The following C3orf85 variants were observed in gnomAD, a reference collection of about 807,000 sequenced individuals.
The protein encoded by C3orf85 is chromosome 3 open reading frame 85.
In C3orf85, 1 loss-of-function variant was observed where a neutral mutation model predicts 1.7. That is an observed-to-expected ratio of 0.60 (90% CI 0.21 to 2.86). The LOEUF is 2.86. Ranked by LOEUF, C3orf85 falls within the 30% of genes most tolerant of loss-of-function variation. The pLI is 0.22. For missense variants in C3orf85, 29 were observed against 21.3 expected (o/e 1.36, Z -0.72); for synonymous variants, 17 against 8.0 (o/e 2.13, Z -1.90).
rs540893552 is a variant in C3orf85, at chr3:109,149,437, A to G, written c.184-368A>G. 6.3e-4 allele frequency: 100 copies of G among 158,432 alleles called. 1 individual carries two copies. The highest frequency in any genetic ancestry group is 2.7e-3 in the South Asian group (13 of 4,874). The allele number at this position is 158,432 out of a possible 1,614,324, so 9.8% of individuals were successfully genotyped here. A position where few individuals can be genotyped will look rare whatever the true frequency, so the allele number is the denominator to read the frequency against. ...TTATTTAGCATTATTAAAACAAGAC[A>G]TTTGTTTATTTGGTCAATTAAGTGA... On this transcript the variant is annotated intron_variant, in intron 3 of 3. Coordinates refer to ENST00000622536, the MANE Select transcript of C3orf85 (RefSeq NM_001351622.2).
At chr3:109,147,360 G>A (rs1012452586) in intron 2 of C3orf85, among the ~76,000 whole-genome samples, 6 of 152,146 alleles carry the variant, frequency 3.9e-5, no homozygotes, top group African/African-American at 1.4e-4. Context: ...CAGAAGGTTG[G>A]TCAACAGAGG....
rs574410565 is a variant in C3orf85 at position 109,150,901 on chromosome 3, T to C, written c.*1007T>C. Among the ~76,000 whole-genome samples, 16 of 152,312 alleles carry C rather than the reference T, an allele frequency of 1.1e-4. No individual in the cohort carries two copies. The highest frequency in any genetic ancestry group is 2.2e-4 in the Non-Finnish European group (15 of 68,022). On this transcript the variant is annotated 3_prime_UTR_variant, in exon 4 of 4. Coordinates refer to ENST00000622536, the MANE Select transcript of C3orf85 (RefSeq NM_001351622.2). ...ATCTTATGTGGTCTTAAAACAATCT[T>C]AAGCACTTTTTGAGTGGCAAGTAAA...
chr3:109,141,179 G>A (rs541332114), intron 2 of C3orf85, among the ~76,000 whole-genome samples: 2 of 152,180 alleles, frequency 1.3e-5, no homozygotes, highest in East Asian at 1.9e-4. Context: ...TAGAGACGGG[G>A]TTTCACCATG....
At chr3:109,144,256 GGGA>G (rs1265666229) in intron 2 of C3orf85, among the ~76,000 whole-genome samples, 6 of 152,106 alleles carry the variant, frequency 3.9e-5, no homozygotes, top group Non-Finnish European at 8.8e-5. Flanking sequence ...GAATGAAAAA[GGGA>G]GGAGAAATTT....
In C3orf85 at chr3:109,151,149, A is replaced by T. The variant is rs1352502828; in HGVS notation, c.*1255A>T. ...ATTTTTAAATTACATCTGAACAAAC[A>T]AAACAAAGATGATGAATCATTTAGT... On this transcript the variant is annotated 3_prime_UTR_variant, in exon 4 of 4. Transcript: ENST00000622536. Among the ~76,000 whole-genome samples the T allele has an allele frequency of 6.6e-6, 1 of 152,266 alleles. No individual in the cohort carries two copies. Among genetic ancestry groups the T allele is most frequent in the Non-Finnish European group, 1.5e-5 (1 of 68,044 alleles).
intron 2 of C3orf85, among the ~76,000 whole-genome samples, chr3:109,145,346 G>A (rs1189019581): frequency 6.6e-6 from 1 of 152,186 alleles, no homozygotes; most frequent in East Asian, 1.9e-4. Context: ...AACTTTGATG[G>A]TATTATGCCA....
At position 109,148,257 on chromosome 3, in the gene C3orf85, A is replaced by C. The variant is rs986145316; in HGVS notation, c.54A>C (p.Ala18=). The change falls in exon 3 of 4, where the codon GCA becomes GCC. Residue 18 remains alanine (A), a synonymous_variant. Coordinates refer to ENST00000622536, the MANE Select transcript of C3orf85 (RefSeq NM_001351622.2). ...CTCTTGGACTCTAAATTGCAGGAGC[A>C]TTGGGAGCGCCATTTTTGTTGGAAG... is the stretch of plus-strand genomic sequence containing the variant. The part of the protein sequence containing the change: ...VVLCSTLLIG[A]LGAPFLLEDP... 3 of 701,950 alleles carry C rather than the reference A, an allele frequency of 4.3e-6. No individual in the cohort carries two copies. The highest frequency in any genetic ancestry group is 7.8e-6 in the Non-Finnish European group (3 of 384,470). 43.5% of individuals were successfully genotyped at this position (701,950 alleles called of 1,614,324 possible).
chr3:109,139,474 C>T (rs750297922), intron 2 of C3orf85, among the ~76,000 whole-genome samples: 3 of 152,014 alleles, frequency 2.0e-5, no homozygotes, highest in Non-Finnish European at 2.9e-5. Flanking sequence ...AGCTTTATAT[C>T]ACATACAAAG....
intron 2 of C3orf85, among the ~76,000 whole-genome samples, chr3:109,139,092 C>T (rs1706711820): frequency 6.6e-6 from 1 of 152,180 alleles, no homozygotes; most frequent in Non-Finnish European, 1.5e-5. Context: ...AAAGAGGGAA[C>T]TGAGGGCTTA....
chr3:109,148,306 C>A lies in C3orf85; in HGVS notation c.103C>A (p.Leu35Ile), dbSNP rs563503333. 1 of 702,740 alleles carries A rather than the reference C, an allele frequency of 1.4e-6. No individual in the cohort carries two copies. The highest frequency in any genetic ancestry group is 2.0e-5 in the Admixed American group (1 of 50,010). The allele number at this position is 702,740 out of a possible 1,614,324, so 43.5% of individuals were successfully genotyped here. A position where few individuals can be genotyped will look rare whatever the true frequency, so the allele number is the denominator to read the frequency against. The change falls in exon 3 of 4, where the codon CTC (leucine) becomes ATC (isoleucine). Residue 35 changes from leucine (L) to isoleucine (I), a missense_variant. Coordinates refer to ENST00000622536, the MANE Select transcript of C3orf85 (RefSeq NM_001351622.2). ...AGACCCTGCAAACCAGTTCCTACGT[C>A]TCAAAAGACATGTAAATTTGCAGGA... Reference protein sequence around the residue: ...LEDPANQFLRLKRHVNLQDYW... With the variant: ...LEDPANQFLRIKRHVNLQDYW...
chr3:109,147,343 G>T (rs764493467), intron 2 of C3orf85, among the ~76,000 whole-genome samples: 1 of 152,110 alleles, frequency 6.6e-6, no homozygotes, highest in Non-Finnish European at 1.5e-5. Flanking sequence ...TATAACCCAG[G>T]TTTATACAGA....
At chr3:109,137,291 G>A (rs1398259676) in intron 2 of C3orf85, among the ~76,000 whole-genome samples, 1 of 151,934 alleles carries the variant, frequency 6.6e-6, no homozygotes. Context: ...TTAACCTTTA[G>A]GGCAAGCTGT....
At chr3:109,140,793 A>G (rs1435208744) in intron 2 of C3orf85, among the ~76,000 whole-genome samples, 2 of 152,202 alleles carry the variant, frequency 1.3e-5, no homozygotes, top group Non-Finnish European at 2.9e-5. Context: ...GAGTGCCAAC[A>G]TTGTGTATGT....
intron 2 of C3orf85, among the ~76,000 whole-genome samples, 174 bp downstream of exon 2, chr3:109,137,070 C>CTGTGTGTG (rs3054419): frequency 0.081 from 12,194 of 149,804 alleles, 1,245 homozygotes; most frequent in African/African-American, 0.24. Flanking sequence ...TTAATGTTAA[C>CTGTGTGTG]TGTGTGTGTG....
intron 2 of C3orf85, among the ~76,000 whole-genome samples, chr3:109,140,418 C>T (rs575598852): frequency 4.4e-4 from 67 of 152,324 alleles, no homozygotes; most frequent in Non-Finnish European, 5.6e-4. Flanking sequence ...GGCCCCTCCC[C>T]GCTGCAAACG....
intron 2 of C3orf85, among the ~76,000 whole-genome samples, chr3:109,137,376 G>A (rs1180116087): frequency 6.6e-6 from 1 of 151,874 alleles, no homozygotes; most frequent in Non-Finnish European, 1.5e-5. Flanking sequence ...AAATGACCCG[G>A]TAACTCAGTG....
intron 2 of C3orf85, among the ~76,000 whole-genome samples, chr3:109,144,793 C>T (rs546898328): frequency 6.6e-6 from 1 of 152,178 alleles, no homozygotes; most frequent in East Asian, 1.9e-4. Flanking sequence ...AAATCATATC[C>T]TAAGCATCAT....
At chr3:109,146,188 T>C (rs974532885) in intron 2 of C3orf85, 2 of 152,240 alleles carry the variant, frequency 1.3e-5, no homozygotes, top group Non-Finnish European at 2.9e-5. Flanking sequence ...TATCTTTCCA[T>C]GCAATGATGA....
At chr3:109,138,598 T>C (rs1706705726) in intron 2 of C3orf85, among the ~76,000 whole-genome samples, 1 of 152,224 alleles carries the variant, frequency 6.6e-6, no homozygotes, top group Non-Finnish European at 1.5e-5. Flanking sequence ...TTCTCTATTA[T>C]AGCTTAGTCG....
Sources: gnomAD v4.1 joint callset for allele counts (sites outside exome capture counted in the v4.1 genomes callset) on GRCh38, gnomAD v4.1.1 for gene constraint, MANE v1.5 for transcripts, NCBI Gene and HGNC (gene_info 2026-07-23, HGNC 2026-07-21) for gene names.